The following MDGA2 variants were observed in gnomAD, a reference collection of about 807,000 sequenced individuals.
MDGA2 encodes MAM domain-containing glycosylphosphatidylinositol anchor protein 2.
A neutral mutation model predicts 117.8 loss-of-function variants in MDGA2; 40 were observed. That is an observed-to-expected ratio of 0.34 (90% CI 0.26 to 0.44). MDGA2 has a LOEUF of 0.44. Among genes scored for constraint, MDGA2 ranks in the 20% least tolerant of loss-of-function variants. The pLI is 1.00. For missense variants in MDGA2, 1,123 were observed against 1,250.6 expected (o/e 0.90, Z 1.54); for synonymous variants, 452 against 439.0 (o/e 1.03, Z -0.37).
chr14:47,609,366 T>G (rs1594941853), intron 1 of MDGA2, among the ~76,000 whole-genome samples: 1 of 140,430 alleles, frequency 7.1e-6, no homozygotes, highest in South Asian at 2.3e-4. Context: ...GTCTCCACTC[T>G]TATCCAGGTC....
chr14:47,172,561 A>C (rs915566126), intron 3 of MDGA2, among the ~76,000 whole-genome samples: 6 of 152,290 alleles, frequency 3.9e-5, no homozygotes, highest in African/African-American at 1.2e-4. Context: ...ACCTCTAGCA[A>C]ACTCCAACAG....
chr14:47,661,729 C>T (rs543541697), intron 1 of MDGA2, among the ~76,000 whole-genome samples: 1 of 145,144 alleles, frequency 6.9e-6, no homozygotes, highest in Admixed American at 6.9e-5. Context: ...CTGCAAAAAA[C>T]GAAGTAATCA....
At chr14:47,467,931 T>A (rs1206522235) in intron 1 of MDGA2, among the ~76,000 whole-genome samples, 2 of 152,156 alleles carry the variant, frequency 1.3e-5, no homozygotes, top group Non-Finnish European at 2.9e-5. Flanking sequence ...TAATGAAATG[T>A]CTGTATGAAG....
chr14:46,929,603 A>ATGTGTG (rs1566530196), intron 9 of MDGA2, among the ~76,000 whole-genome samples: 7 of 7,994 alleles, frequency 8.8e-4, no homozygotes, highest in African/African-American at 2.8e-3. Flanking sequence ...GTGTGTGTGT[A>ATGTGTG]TATATATATA....
chr14:47,517,233 C>T (rs913765856), intron 1 of MDGA2, among the ~76,000 whole-genome samples: 1 of 151,974 alleles, frequency 6.6e-6, no homozygotes. Context: ...TAGTTTAACT[C>T]TCAATGTGGG....
chr14:47,325,652 G>A (rs1446206233), intron 1 of MDGA2, among the ~76,000 whole-genome samples: 1 of 152,170 alleles, frequency 6.6e-6, no homozygotes, highest in South Asian at 2.1e-4. Flanking sequence ...TTTGCAAGAT[G>A]ATTAGAAGTT....
chr14:47,205,136 A>ATG lies in MDGA2; in HGVS notation c.595+12883_595+12884dup, dbSNP rs201219191. Among the ~76,000 whole-genome samples the ATG allele has an allele frequency of 7.3e-3, 1,109 of 151,948 alleles. 16 individuals are homozygous for ATG. The highest frequency in any genetic ancestry group is 0.026 in the African/African-American group (1,063 of 41,522). ...TGTTTGTGTGTATATATATGTGCATATGTGTATATATATGTGCATATGTAT... is the reference window on the plus strand; with the variant it reads ...TGTTTGTGTGTATATATATGTGCATATGTGTGTATATATATGTGCATATGTAT... On this transcript the variant is annotated intron_variant, in intron 3 of 16. Transcript: ENST00000399232.
intron 2 of MDGA2, among the ~76,000 whole-genome samples, chr14:47,234,150 G>T (rs1047446565): frequency 9.9e-5 from 15 of 151,610 alleles, no homozygotes; most frequent in African/African-American, 3.1e-4. Context: ...ACCAGACACA[G>T]TAACTTAATA....
At chr14:47,375,823 G>C (rs1227774335) in intron 1 of MDGA2, among the ~76,000 whole-genome samples, 1 of 152,008 alleles carries the variant, frequency 6.6e-6, no homozygotes, top group Non-Finnish European at 1.5e-5. Flanking sequence ...TATCATTTAT[G>C]TGTAATTTAT....
chr14:47,042,312 GTTT>G (rs748830079), intron 7 of MDGA2, among the ~76,000 whole-genome samples: 19,052 of 130,130 alleles, frequency 0.15, 1,525 homozygotes, highest in East Asian at 0.31. Flanking sequence ...CCAAATCTAT[GTTT>G]TTTTTTTTTT....
At chr14:46,957,805 T>C (rs934828459) in intron 8 of MDGA2, among the ~76,000 whole-genome samples, 162 bp from the exon 9 acceptor site, 8 of 152,088 alleles carry the variant, frequency 5.3e-5, no homozygotes, top group Admixed American at 2.0e-4. Context: ...TTAGCTTGGG[T>C]TGGGAAATGT....
intron 3 of MDGA2, among the ~76,000 whole-genome samples, chr14:47,209,801 T>A (rs1475053723): frequency 6.6e-6 from 1 of 152,190 alleles, no homozygotes; most frequent in Non-Finnish European, 1.5e-5. Flanking sequence ...GCAATTTGCA[T>A]GACAGCAACT....
intron 2 of MDGA2, among the ~76,000 whole-genome samples, chr14:47,264,636 AT>A (rs1203575231): frequency 6.6e-6 from 1 of 151,992 alleles, no homozygotes; most frequent in Non-Finnish European, 1.5e-5. Context: ...GTTTTAAAAA[AT>A]ATTTGTGATT....
intron 1 of MDGA2, among the ~76,000 whole-genome samples, chr14:47,585,552 G>C (rs573743852): frequency 1.3e-4 from 19 of 152,000 alleles, no homozygotes; most frequent in Admixed American, 8.5e-4. Flanking sequence ...GCAGGAAAGA[G>C]AGATATTGAC....
intron 3 of MDGA2, among the ~76,000 whole-genome samples, chr14:47,217,303 A>G (rs933442643): frequency 6.6e-6 from 1 of 152,126 alleles, no homozygotes; most frequent in Non-Finnish European, 1.5e-5. Flanking sequence ...TAAAAACATA[A>G]TGAAGTGATA....
chr14:47,500,758 C>A (rs1894382761), intron 1 of MDGA2, among the ~76,000 whole-genome samples: 1 of 151,962 alleles, frequency 6.6e-6, no homozygotes, highest in South Asian at 2.1e-4. Context: ...GTTAATAGAA[C>A]CAATTCATTA....
intron 1 of MDGA2, among the ~76,000 whole-genome samples, chr14:47,656,738 G>A (rs1897751466): frequency 6.6e-6 from 1 of 152,104 alleles, no homozygotes; most frequent in Admixed American, 6.6e-5. Flanking sequence ...CACAAAAGAG[G>A]CATGTGGCAG....
At chr14:47,345,740 G>A (rs1890749262) in intron 1 of MDGA2, among the ~76,000 whole-genome samples, 1 of 152,038 alleles carries the variant, frequency 6.6e-6, no homozygotes, top group African/African-American at 2.4e-5. Context: ...TTAGCTAACT[G>A]AAATACTAGA....
At chr14:47,167,315 T>C (rs1264405981) in intron 3 of MDGA2, among the ~76,000 whole-genome samples, 1 of 152,192 alleles carries the variant, frequency 6.6e-6, no homozygotes, top group Admixed American at 6.6e-5. Context: ...CCAAGATCTT[T>C]GCTCTTCTCA....
Sources: allele counts gnomAD v4.1 joint callset (sites outside exome capture counted in the v4.1 genomes callset), GRCh38; gene constraint gnomAD v4.1.1; transcripts MANE v1.5; gene names NCBI Gene and HGNC (gene_info 2026-07-23, HGNC 2026-07-21).